PRMT8: variants seen among roughly 807,000 people sequenced by gnomAD.
The protein encoded by PRMT8 is protein arginine N-methyltransferase 8.
In PRMT8, 7 loss-of-function variants were observed where a neutral mutation model predicts 47.1. That is an observed-to-expected ratio of 0.15 (90% CI 0.08 to 0.28). The LOEUF (loss-of-function observed/expected upper bound fraction) is 0.28, where lower values mean the gene tolerates loss of function less well. Ranked by LOEUF, PRMT8 falls within the 10% of genes least tolerant of loss-of-function variation. The probability of loss-of-function intolerance (pLI) is 1.00; values close to 1 mark genes in which losing one functional copy is unlikely to be tolerated. For synonymous variants in PRMT8, 188 were observed against 186.5 expected (o/e 1.01, Z -0.07); for missense variants, 237 against 505.4 (o/e 0.47, Z 5.09).
intron 6 of PRMT8, among the ~76,000 whole-genome samples, chr12:3,574,810 A>G (rs1273095563): frequency 6.6e-6 from 1 of 152,220 alleles, no homozygotes; most frequent in Non-Finnish European, 1.5e-5. Context: ...TAACCATTAC[A>G]TGCATTGACT....
chr12:3,448,600 C>A (rs1171818898), intron 1 of PRMT8, among the ~76,000 whole-genome samples: 1 of 152,208 alleles, frequency 6.6e-6, no homozygotes, highest in Admixed American at 6.5e-5. Context: ...CTGGCCTCTA[C>A]CCACTAGATG....
intron 1 of PRMT8, among the ~76,000 whole-genome samples, chr12:3,452,349 A>C (rs1032338421): frequency 7.9e-5 from 12 of 152,044 alleles, no homozygotes; most frequent in Non-Finnish European, 1.2e-4. Flanking sequence ...ACACACACAC[A>C]CCCCACAAGG....
At chr12:3,458,106 G>A (rs1003858147) in intron 1 of PRMT8, among the ~76,000 whole-genome samples, 9 of 152,172 alleles carry the variant, frequency 5.9e-5, no homozygotes, top group Admixed American at 1.3e-4. Flanking sequence ...CTCCCAAAGC[G>A]CTGGGATTAC....
At chr12:3,403,812 G>T in intron 1 of PRMT8, among the ~76,000 whole-genome samples, 1 of 147,350 alleles carries the variant, frequency 6.8e-6, no homozygotes. Flanking sequence ...GGGAGGTGGA[G>T]GTTGCAGTGA....
chr12:3,488,287 C>T (rs530589720), upstream of PRMT8, among the ~76,000 whole-genome samples: 12 of 151,958 alleles, frequency 7.9e-5, no homozygotes, highest in South Asian at 2.1e-4. Context: ...CAGGGCCTAG[C>T]GAATGTTGAC....
intron 8 of PRMT8, among the ~76,000 whole-genome samples, chr12:3,586,834 C>G (rs1323371137): frequency 6.6e-6 from 1 of 152,212 alleles, no homozygotes; most frequent in Non-Finnish European, 1.5e-5. Flanking sequence ...CAGGCCTCAC[C>G]AAGACTCTTT....
At chr12:3,465,872 T>A (rs113375553) in intron 1 of PRMT8, among the ~76,000 whole-genome samples, 20 of 152,266 alleles carry the variant, frequency 1.3e-4, no homozygotes, top group African/African-American at 4.8e-4. Flanking sequence ...GAGGGTTGAT[T>A]TTTTCTAATT....
intron 1 of PRMT8, chr12:3,469,029 C>A (rs1020419806): frequency 4.9e-6 from 2 of 412,176 alleles, no homozygotes; most frequent in Non-Finnish European, 9.4e-6. Context: ...ATGAACTGTG[C>A]ACAATGCGTG....
Position 3,592,302 on chromosome 12 carries a change from G to C in PRMT8, c.1051G>C (p.Gly351Arg). ...GGAAGATTACCTCACTGTCCGGAGG[G>C]GGGAGGAAATCTACGGGACCATATC... is the stretch of plus-strand genomic sequence containing the variant. ...YLEDYLTVRR[G>R]EEIYGTISMK... The change falls in exon 9 of 10, where the codon GGG (glycine) becomes CGG (arginine). Residue 351 changes from glycine to arginine, a missense_variant. Coordinates refer to ENST00000382622, the MANE Select transcript of PRMT8 (RefSeq NM_019854.5). The C allele has an allele frequency of 6.3e-7, 1 of 1,599,136 alleles. No homozygotes were observed.
upstream of PRMT8, among the ~76,000 whole-genome samples, chr12:3,490,551 G>T (rs56240720): frequency 8.6e-5 from 13 of 150,344 alleles, no homozygotes; most frequent in African/African-American, 2.7e-4. Context: ...TGGAGTGGGG[G>T]GGGGGGCACT....
At chr12:3,496,214 A>ATATTTT in intron 1 of PRMT8, among the ~76,000 whole-genome samples, 2 of 27,776 alleles carry the variant, frequency 7.2e-5, no homozygotes, top group Non-Finnish European at 7.9e-5. Flanking sequence ...ATATATATAT[A>ATATTTT]TTTTTTTTTT....
intron 4 of PRMT8, among the ~76,000 whole-genome samples, chr12:3,559,048 T>G (rs187792516): frequency 1.0e-3 from 156 of 152,156 alleles, no homozygotes; most frequent in African/African-American, 3.2e-3. Context: ...TGTCCATCCA[T>G]CCAGCCAGCC....
chr12:3,492,542 C>A lies in PRMT8; in HGVS notation c.75+842C>A, dbSNP rs1285689407. On this transcript the variant is annotated intron_variant, in intron 1 of 9. Coordinates refer to ENST00000382622, the MANE Select transcript of PRMT8 (RefSeq NM_019854.5). This position sits in a 1 kb window ranked among gnomAD's most constrained non-coding sequence, Gnocchi z 7.5. ...AAATTGTGTTCTCGGCCCCCGCCTT[C>A]GGCAGCCTTTTTCTCTACTCTCCAG... Among the ~76,000 whole-genome samples the A allele has an allele frequency of 6.6e-6, 1 of 152,180 alleles. No homozygotes were observed. The highest frequency in any genetic ancestry group is 1.9e-4 in the East Asian group (1 of 5,186).
At chr12:3,469,351 T>C in intron 1 of PRMT8, 1 of 327,478 alleles carries the variant, frequency 3.1e-6, no homozygotes, top group South Asian at 2.9e-5. Context: ...AAAGTGGAAA[T>C]TGTCCTTAGA....
chr12:3,390,850 C>T (rs1255562501), intron 1 of PRMT8, among the ~76,000 whole-genome samples: 1 of 152,254 alleles, frequency 6.6e-6, no homozygotes, highest in Admixed American at 6.5e-5. Context: ...TTGTTCACCA[C>T]TGAGCCTCCG....
At chr12:3,591,057 T>G (rs1867289828) in intron 8 of PRMT8, among the ~76,000 whole-genome samples, 1 of 151,946 alleles carries the variant, frequency 6.6e-6, no homozygotes. Context: ...AGAGGAAGGA[T>G]GAGGAAGAGA....
At chr12:3,434,256 C>G (rs1044991865) in intron 1 of PRMT8, among the ~76,000 whole-genome samples, 1 of 152,090 alleles carries the variant, frequency 6.6e-6, no homozygotes, top group Non-Finnish European at 1.5e-5. Context: ...CTGAGGTGCT[C>G]CAGAGAAACC....
chr12:3,397,590 T>G (rs1285284713), intron 1 of PRMT8, among the ~76,000 whole-genome samples: 2 of 151,672 alleles, frequency 1.3e-5, no homozygotes, highest in Admixed American at 1.3e-4. Context: ...AGCTGCGTGC[T>G]GGGAGAACCA....
intron 7 of PRMT8, among the ~76,000 whole-genome samples, chr12:3,581,459 T>C (rs1185130390): frequency 6.6e-6 from 1 of 152,112 alleles, no homozygotes; most frequent in African/African-American, 2.4e-5. Flanking sequence ...TCTCCATCCC[T>C]AAAGGTGTTC....
Sources: allele counts gnomAD v4.1 joint callset (sites outside exome capture counted in the v4.1 genomes callset), GRCh38; gene constraint gnomAD v4.1.1; non-coding constraint Gnocchi (gnomAD v3.1); transcripts MANE v1.5; gene names NCBI Gene and HGNC (gene_info 2026-07-23, HGNC 2026-07-21).